Variants in NUP214 observed in about 807,000 individuals in gnomAD.
NUP214 encodes nuclear pore complex protein Nup214.
A neutral mutation model predicts 196.2 loss-of-function variants in NUP214; 79 were observed. The ratio of observed to expected loss-of-function variants is 0.40; its 90% CI spans 0.34 to 0.49. The LOEUF (loss-of-function observed/expected upper bound fraction) is 0.49. Among genes scored for constraint, NUP214 ranks in the 20% least tolerant of loss-of-function variants. NUP214 has a pLI of 0.58. For synonymous variants in NUP214, 1,020 were observed against 990.5 expected (o/e 1.03, Z -0.56); for missense variants, 2,468 against 2,539.0 (o/e 0.97, Z 0.60).
intron 29 of NUP214, among the ~76,000 whole-genome samples, chr9:131,200,539 A>G (rs1038072238): frequency 6.6e-6 from 1 of 152,188 alleles, no homozygotes; most frequent in African/African-American, 2.4e-5. Context: ...GAGAAACCCC[A>G]TCTCTACTAA....
In NUP214 at chr9:131,146,173, G is replaced by A. The variant is rs750670985; in HGVS notation, c.1814G>A (p.Ser605Asn). 1.9e-6 allele frequency: 3 copies of A among 1,614,112 alleles called. No homozygotes were observed. Among genetic ancestry groups the A allele is most frequent in the South Asian group, 1.1e-5 (1 of 91,074 alleles). Residue 605 changes from serine to asparagine, a missense_variant, in exon 13 of 36, where the codon AGC becomes AAC. Transcript: ENST00000359428. This position sits in a 1 kb window ranked among gnomAD's most constrained non-coding sequence, Gnocchi z 4.6. ...TCTACTCCTGTTAGTAGCTCCCAGA[G>A]CGCACCCCCGATGTCGCCATTCTCT... ...ATSTPVSSSQ[S>N]APPMSPFSSA...
Position 131,215,359 on chromosome 9 carries a change from G to A in NUP214, c.5740G>A (p.Ala1914Thr), listed in dbSNP as rs780178105. ...SSASGGFGST[A>T]TSNTSNLFGN... is the part of the protein sequence containing the mutation. ...GGCCAGTGGGGGCTTTGGATCCACA[G>A]CTACCTCAAGTAAGTTGAGAAGACT... Residue 1914 changes from alanine (A) to threonine (T), a missense_variant, in exon 31 of 36, where the codon GCT becomes ACT. By Grantham distance (58) the Ala-to-Thr change is moderately conservative. Around this residue, in one of 5 missense-constraint regions of NUP214, gnomAD observed 262 missense variants for 296.5 expected, o/e 0.88. Coordinates refer to ENST00000359428, the MANE Select transcript of NUP214 (RefSeq NM_005085.4). 8 of 1,595,598 alleles carry A rather than the reference G, an allele frequency of 5.0e-6. No individual in the cohort carries two copies. In the African/African-American group the frequency reaches 6.8e-5, roughly 14 times the overall value.
At chr9:131,203,162 G>A (rs1188336762) in intron 30 of NUP214, among the ~76,000 whole-genome samples, 1 of 151,130 alleles carries the variant, frequency 6.6e-6, no homozygotes, top group African/African-American at 2.4e-5. Flanking sequence ...AGCCAGGATG[G>A]TCTCGATCTC....
At chr9:131,156,442 T>TCCCATC (rs1832447048) in intron 17 of NUP214, among the ~76,000 whole-genome samples, 2 of 152,234 alleles carry the variant, frequency 1.3e-5, no homozygotes, top group East Asian at 3.9e-4. Flanking sequence ...GAGCATGGGA[T>TCCCATC]GTATTTCTAT....
At chr9:131,201,776 C>A in intron 30 of NUP214, 59 bp downstream of exon 30, 1 of 1,394,352 alleles carries the variant, frequency 7.2e-7, no homozygotes, top group South Asian at 1.2e-5. Flanking sequence ...CAGTTTTCTT[C>A]ACTGTAATGT....
In NUP214 at chr9:131,195,284, T is replaced by C. The variant is rs745712647; in HGVS notation, c.3711T>C (p.Thr1237=). The change falls in exon 28 of 36, where the codon ACT becomes ACC. Residue 1237 remains threonine, a synonymous_variant. Transcript: ENST00000359428. The stretch of plus-strand genomic sequence containing the variant: ...CACCAACACCGTCTTCTAATTTCAC[T>C]GCTGCACAAGGTACAGACTCTGTGT... The part of the protein sequence containing the change: ...IITPTPSSNF[T]AAQGATPSTK... 5.0e-6 allele frequency: 8 copies of C among 1,613,156 alleles called. No individual in the cohort carries two copies. In the Admixed American group the frequency reaches 1.3e-4, roughly 27 times the overall value.
intron 34 of NUP214, among the ~76,000 whole-genome samples, chr9:131,231,733 G>A (rs983174714): frequency 4.0e-5 from 6 of 151,588 alleles, no homozygotes; most frequent in African/African-American, 1.5e-4. Context: ...TTTTGTTCTT[G>A]CAGTAAACTG....
At chr9:131,134,072 G>A (rs1056179329) in intron 7 of NUP214, among the ~76,000 whole-genome samples, 8 of 152,076 alleles carry the variant, frequency 5.3e-5, no homozygotes, top group Admixed American at 4.6e-4. Context: ...TCAGCCTCCC[G>A]AGTAGTTGGG....
Position 131,198,722 on chromosome 9 carries a change from T to C in NUP214, c.5228T>C (p.Phe1743Ser). 3 of 1,614,190 alleles carry C rather than the reference T, an allele frequency of 1.9e-6. No individual in the cohort carries two copies. Among genetic ancestry groups the C allele is most frequent in the Non-Finnish European group, 8.5e-7 (1 of 1,180,032 alleles). ...GQSASSAASV[F>S]SFSQPGFSSV... Reference sequence around the variant, plus strand: ...TCGGCGAGCAGTGCTGCAAGTGTCTTTTCCTTCAGTCAGCCTGGGTTCAGT... The same window carrying C: ...TCGGCGAGCAGTGCTGCAAGTGTCTCTTCCTTCAGTCAGCCTGGGTTCAGT... The change falls in exon 29 of 36, where the codon TTT (phenylalanine) becomes TCT (serine). Residue 1743 changes from phenylalanine to serine, a missense_variant. Physicochemically the swap from Phe to Ser is radical, Grantham distance 155. Transcript: ENST00000359428.
chr9:131,203,888 AAAGGG>A (rs1342325683), intron 30 of NUP214, among the ~76,000 whole-genome samples: 29 of 152,326 alleles, frequency 1.9e-4, no homozygotes, highest in African/African-American at 6.7e-4. Flanking sequence ...CCCCAAAGGT[AAAGGG>A]ACAAAAATCA....
intron 32 of NUP214, among the ~76,000 whole-genome samples, chr9:131,223,172 C>CTT (rs920062876): frequency 7.0e-6 from 1 of 143,262 alleles, no homozygotes; most frequent in Non-Finnish European, 1.5e-5. Context: ...ATTTTTTTTT[C>CTT]TTTTTTTTTT....
At chr9:131,186,954 T>G (rs1448206733) in intron 24 of NUP214, among the ~76,000 whole-genome samples, 1 of 152,148 alleles carries the variant, frequency 6.6e-6, no homozygotes, top group African/African-American at 2.4e-5. Context: ...GAATTTCTCG[T>G]GGTCTACAAC....
At position 131,232,437 on chromosome 9, in the gene NUP214, G is replaced by A; in HGVS notation, c.6239+129G>A. On this transcript the variant is annotated intron_variant, in intron 35 of 35. Coordinates refer to ENST00000359428, the MANE Select transcript of NUP214 (RefSeq NM_005085.4). The surrounding 1 kb of genome is among the most constrained non-coding windows in gnomAD (Gnocchi z 5.1). ...TGTTTTTAGAGTTTGTCCTGGAAGTGTGGGGGTTCAGCAGCAGGGTTTGGG... is the reference window on the plus strand; with the variant it reads ...TGTTTTTAGAGTTTGTCCTGGAAGTATGGGGGTTCAGCAGCAGGGTTTGGG... 1.4e-5 allele frequency: 13 copies of A among 961,430 alleles called. 1 individual carries two copies. The South Asian group carries it at 1.7e-4, about 13-fold the overall frequency. 59.6% of individuals were successfully genotyped at this position (961,430 alleles called of 1,614,324 possible). A position where few individuals can be genotyped will look rare whatever the true frequency, so the allele number is the denominator to read the frequency against.
intron 5 of NUP214, among the ~76,000 whole-genome samples, chr9:131,131,371 A>G (rs1333646062): frequency 6.6e-6 from 1 of 152,244 alleles, no homozygotes; most frequent in East Asian, 1.9e-4. Flanking sequence ...AATGTTCACA[A>G]ATATCCTTCA....
At chr9:131,210,626 C>CAA (rs200387654) in intron 30 of NUP214, among the ~76,000 whole-genome samples, 3 of 124,462 alleles carry the variant, frequency 2.4e-5, no homozygotes, top group African/African-American at 3.1e-5. Context: ...GACTCCATCT[C>CAA]AAAAAAAAAA....
intron 27 of NUP214, 114 bp downstream of exon 27, chr9:131,192,406 C>A (rs1029495256): frequency 3.3e-6 from 2 of 612,054 alleles, no homozygotes; most frequent in Non-Finnish European, 2.8e-6. Context: ...AGAGTTCTTA[C>A]CGTGGCAGTA....
At chr9:131,206,980 T>C (rs1039064908) in intron 30 of NUP214, among the ~76,000 whole-genome samples, 1 of 152,210 alleles carries the variant, frequency 6.6e-6, no homozygotes, top group Non-Finnish European at 1.5e-5. Context: ...TTTTTATTGA[T>C]TGCTGTATCT....
rs866313158 is a variant in NUP214 at position 131,157,469 on chromosome 9, T to G, written c.2437-1914T>G. Among the ~76,000 whole-genome samples the G allele has an allele frequency of 4.3e-4, 61 of 143,050 alleles. 1 individual carries two copies. In the South Asian group the frequency reaches 6.2e-3, roughly 15 times the overall value. 93.8% of individuals were successfully genotyped at this position (143,050 alleles called of 152,430 possible). ...GCCACTGTGTCTGGCGTTTTTTTTT[T>G]TTTTTTTTTTTTTGAGAGAGAGTCT... On this transcript the variant is annotated intron_variant, in intron 17 of 35. Coordinates refer to ENST00000359428, the MANE Select transcript of NUP214 (RefSeq NM_005085.4).
chr9:131,130,138 T>TTTTTTTTTTTTTTTTC (rs1831493663), intron 4 of NUP214, among the ~76,000 whole-genome samples: 1 of 8,338 alleles, frequency 1.2e-4, no homozygotes, highest in Non-Finnish European at 5.8e-4. Flanking sequence ...TCTGGTTTTG[T>TTTTTTTTTTTTTTTTC]TTTTTTTTTT....
Sources: gnomAD v4.1 joint callset for allele counts (sites outside exome capture counted in the v4.1 genomes callset) on GRCh38, gnomAD v4.1.1 for gene constraint, gnomAD v4.1.1 regional missense constraint, Gnocchi (gnomAD v3.1) non-coding constraint, MANE v1.5 for transcripts, NCBI Gene and HGNC (gene_info 2026-07-23, HGNC 2026-07-21) for gene names.